Variants in SOS1 observed in about 807,000 individuals in gnomAD.
The protein encoded by SOS1 is SOS Ras/Rac guanine nucleotide exchange factor 1, also known as son of sevenless homolog 1.
SOS1 carries 25 observed loss-of-function variants against 157.6 expected under a neutral mutation model. The observed-to-expected ratio is 0.16, with a 90% CI of 0.12 to 0.22. The LOEUF (loss-of-function observed/expected upper bound fraction) is 0.22. SOS1 is among the 10% of genes least tolerant of loss of function. The pLI is 1.00. For missense variants in SOS1, 1,237 were observed against 1,599.1 expected (o/e 0.77, Z 3.86); for synonymous variants, 528 against 534.0 (o/e 0.99, Z 0.16).
intron 1 of SOS1, among the ~76,000 whole-genome samples, chr2:39,087,298 A>G (rs1672415752): frequency 6.6e-6 from 1 of 152,238 alleles, no homozygotes; most frequent in Admixed American, 6.5e-5. Flanking sequence ...TAGACAAAAT[A>G]AAGTATCTTA....
Position 38,987,585 on chromosome 2 carries a change from G to A in SOS1, c.3398C>T (p.Ala1133Val), listed in dbSNP as rs757838494. Residue 1133 changes from alanine to valine, a missense_variant, in exon 22 of 23, where the codon GCT becomes GTT. Ala to Val is a moderately conservative substitution (Grantham distance 64). Coordinates refer to ENST00000402219, the MANE Select transcript of SOS1 (RefSeq NM_005633.4). ...GGTTAAACTTATAGATGATACAGAA[G>A]CAGATCCTGTGGGATGTTAAATTTT... ...QVTLPHGPRS[A>V]SVSSISLTKG... is the part of the protein sequence containing the mutation. 1 of 1,484,104 alleles carries A rather than the reference G, an allele frequency of 6.7e-7. No individual in the cohort carries two copies. The highest frequency in any genetic ancestry group is 1.7e-5 in the Admixed American group (1 of 59,328). 91.9% of individuals were successfully genotyped at this position (1,484,104 alleles called of 1,614,324 possible). A position where few individuals can be genotyped will look rare whatever the true frequency, so the allele number is the denominator to read the frequency against.
At chr2:39,106,763 T>C (rs1022618508) in intron 1 of SOS1, among the ~76,000 whole-genome samples, 1 of 152,186 alleles carries the variant, frequency 6.6e-6, no homozygotes, top group East Asian at 1.9e-4. Flanking sequence ...TTTCTGCCTG[T>C]GAGGTAGCCC....
At chr2:39,113,728 A>G (rs1243927643) in intron 1 of SOS1, among the ~76,000 whole-genome samples, 1 of 152,232 alleles carries the variant, frequency 6.6e-6, no homozygotes, top group Non-Finnish European at 1.5e-5. Context: ...GGCAAATCCC[A>G]TTGCTTTGTG....
At position 39,008,180 on chromosome 2, in the gene SOS1, A is replaced by C. The variant is rs1241941633; in HGVS notation, c.2511-987T>G. ...TTTTTTGCCCAACTTCCACTTATGG[A>C]ATGGAGACGCTACCTTGGGTGTGAT... On this transcript the variant is annotated intron_variant, in intron 15 of 22. Coordinates refer to ENST00000402219, the MANE Select transcript of SOS1 (RefSeq NM_005633.4). Among the ~76,000 whole-genome samples, 5 of 152,244 alleles carry C rather than the reference A, an allele frequency of 3.3e-5. No individual in the cohort carries two copies. The East Asian group carries it at 9.7e-4, about 29-fold the overall frequency.
chr2:39,047,288 A>G (rs1045192112), intron 6 of SOS1, among the ~76,000 whole-genome samples: 2 of 152,184 alleles, frequency 1.3e-5, no homozygotes, highest in African/African-American at 2.4e-5. Flanking sequence ...ATATACCACT[A>G]ATTTATCCCT....
Position 38,995,309 on chromosome 2 carries a change from T to A in SOS1, c.3160A>T (p.Thr1054Ser). 6.2e-7 allele frequency: 1 copy of A among 1,613,848 alleles called. No homozygotes were observed. Among genetic ancestry groups the A allele is most frequent in the Non-Finnish European group, 8.5e-7 (1 of 1,179,790 alleles). Residue 1054 changes from threonine to serine, a missense_variant, in exon 20 of 23, where the codon ACA becomes TCA. Physicochemically the swap from Thr to Ser is moderately conservative, Grantham distance 58. This residue lies in a region of SOS1 where 43 missense variants were observed against 83.0 expected (regional missense o/e 0.52). Transcript: ENST00000402219. ...TTCCTTGGCTCCTGCTGCAGAGGTG[T>A]GGGATGCCTCATGGTACCTGGTCTT... The part of the protein sequence containing the change: ...NPRPGTMRHP[T>S]PLQQEPRKIS...
At chr2:39,022,194 A>G (rs1306390307) in intron 10 of SOS1, among the ~76,000 whole-genome samples, 2 of 151,788 alleles carry the variant, frequency 1.3e-5, no homozygotes, top group African/African-American at 4.8e-5. Context: ...TTATATTAAA[A>G]TTTTTATTTA....
Position 39,120,432 on chromosome 2 carries a change from G to C in SOS1, c.-10C>G, listed in dbSNP as rs997845778. ...GCTGCTGCGCCTGCATGGTGCCCCCGGGGCGCCTCTGGGCGGGGAGAGGGG... is the reference window on the plus strand; with the variant it reads ...GCTGCTGCGCCTGCATGGTGCCCCCCGGGCGCCTCTGGGCGGGGAGAGGGG... On this transcript the variant is annotated 5_prime_UTR_variant, in exon 1 of 23. Transcript: ENST00000402219. 7.6e-6 allele frequency: 12 copies of C among 1,579,850 alleles called. No individual in the cohort carries two copies. Among genetic ancestry groups the C allele is most frequent in the South Asian group, 1.1e-5 (1 of 87,906 alleles).
chr2:39,112,580 G>T (rs1162613752), intron 1 of SOS1, among the ~76,000 whole-genome samples: 6 of 152,160 alleles, frequency 3.9e-5, no homozygotes, highest in African/African-American at 1.4e-4. Flanking sequence ...GGAATTGCAG[G>T]CATGAGCCAC....
chr2:39,047,205 A>T (rs1441195915), intron 6 of SOS1, among the ~76,000 whole-genome samples: 4 of 152,198 alleles, frequency 2.6e-5, no homozygotes, highest in Non-Finnish European at 5.9e-5. Flanking sequence ...GAGTCTTATT[A>T]TACTCAGTAT....
chr2:39,094,569 C>T (rs908006103), intron 1 of SOS1, among the ~76,000 whole-genome samples: 3 of 152,008 alleles, frequency 2.0e-5, no homozygotes, highest in Non-Finnish European at 4.4e-5. Context: ...TGCTTGAACC[C>T]GGGAGGCTGG....
chr2:39,069,576 C>A (rs1671728015), intron 1 of SOS1, among the ~76,000 whole-genome samples: 1 of 152,002 alleles, frequency 6.6e-6, no homozygotes, highest in African/African-American at 2.4e-5. Flanking sequence ...GAGACAGGGT[C>A]TCACCCTGTC....
rs1258748031 is a variant in SOS1 at position 38,982,085 on chromosome 2, T to TTGAG, written c.*3735_*3738dup. On this transcript the variant is annotated 3_prime_UTR_variant, in exon 23 of 23. Coordinates refer to ENST00000402219, the MANE Select transcript of SOS1 (RefSeq NM_005633.4). ...ATCATCTGTTATGCATCTTGTTTCT[T>TTGAG]TGAGTGGTAGTCCAATGTGACCCAC... 11 of 152,294 alleles carry TTGAG rather than the reference T, an allele frequency of 7.2e-5. No homozygotes were observed. The highest frequency in any genetic ancestry group is 2.2e-4 in the African/African-American group (9 of 41,570). 9.4% of individuals were successfully genotyped at this position (152,294 alleles called of 1,614,324 possible). A position where few individuals can be genotyped will look rare whatever the true frequency, so the allele number is the denominator to read the frequency against.
At chr2:39,050,605 T>A (rs151130034) in intron 6 of SOS1, among the ~76,000 whole-genome samples, 2 of 152,228 alleles carry the variant, frequency 1.3e-5, no homozygotes, top group Admixed American at 1.3e-4. Context: ...AAATCTGAAA[T>A]GCTCCAATGA....
chr2:39,079,062 CAAAAAAAAAA>C (rs10608351), intron 1 of SOS1, among the ~76,000 whole-genome samples: 27 of 40,002 alleles, frequency 6.7e-4, no homozygotes, highest in Middle Eastern at 0.025. Context: ...CTCTGTCTCC[CAAAAAAAAAA>C]AAAAAAAAAA....
intron 6 of SOS1, among the ~76,000 whole-genome samples, chr2:39,039,507 T>C (rs558038187): frequency 6.6e-6 from 1 of 152,240 alleles, no homozygotes; most frequent in South Asian, 2.1e-4. Flanking sequence ...TATTTTTATA[T>C]GTATTTCCCT....
intron 17 of SOS1, among the ~76,000 whole-genome samples, chr2:38,998,143 G>T (rs1272573265): frequency 3.3e-5 from 5 of 152,128 alleles, no homozygotes; most frequent in African/African-American, 1.2e-4. Flanking sequence ...TACACTGGAC[G>T]AGGAGGAGAA....
chr2:39,050,433 A>C (rs1670967601), intron 6 of SOS1, among the ~76,000 whole-genome samples: 1 of 152,198 alleles, frequency 6.6e-6, no homozygotes, highest in Non-Finnish European at 1.5e-5. Flanking sequence ...TTACTATGTG[A>C]AGGTAGATAG....
At chr2:39,118,490 A>G (rs1358817487) in intron 1 of SOS1, among the ~76,000 whole-genome samples, 1 of 152,232 alleles carries the variant, frequency 6.6e-6, no homozygotes, top group African/African-American at 2.4e-5. Context: ...CATATCAGCT[A>G]GATTATGTAC....
Sources: gnomAD v4.1 joint callset for allele counts (sites outside exome capture counted in the v4.1 genomes callset) on GRCh38, gnomAD v4.1.1 for gene constraint, gnomAD v4.1.1 regional missense constraint, MANE v1.5 for transcripts, NCBI Gene and HGNC (gene_info 2026-07-23, HGNC 2026-07-21) for gene names.